C10orf90: variants seen among roughly 807,000 people sequenced by gnomAD.
The protein encoded by C10orf90 is chromosome 10 open reading frame 90, also known as (E2-independent) E3 ubiquitin-conjugating enzyme FATS.
Under a neutral mutation model 62.5 loss-of-function variants are expected in C10orf90, and 56 were observed. That is an observed-to-expected ratio of 0.90 (90% CI 0.72 to 1.12). C10orf90 has a LOEUF of 1.12. Ranked by LOEUF, C10orf90 falls within the 50% of genes most tolerant of loss-of-function variation. C10orf90 has a pLI of 0.00. For missense variants in C10orf90, 970 were observed against 880.4 expected, an observed-to-expected ratio of 1.10 and a Z score of -1.29; for synonymous variants, 386 against 340.4, an observed-to-expected ratio of 1.13 and a Z score of -1.47.
chr10:126,496,105 A>T (rs1862041487), intron 4 of C10orf90, among the ~76,000 whole-genome samples: 1 of 152,200 alleles, frequency 6.6e-6, no homozygotes, highest in African/African-American at 2.4e-5. Flanking sequence ...CTAATTTAAA[A>T]GATCAGCCCA....
At chr10:126,599,001 A>C (rs1338015272) in intron 2 of C10orf90, among the ~76,000 whole-genome samples, 1 of 152,160 alleles carries the variant, frequency 6.6e-6, no homozygotes, top group Non-Finnish European at 1.5e-5. Flanking sequence ...TCTCATTGCT[A>C]TTTTGTTGAC....
intron 2 of C10orf90, among the ~76,000 whole-genome samples, chr10:126,615,239 C>A (rs1031959864): frequency 6.6e-6 from 1 of 152,178 alleles, no homozygotes; most frequent in African/African-American, 2.4e-5. Context: ...GTCACATGAC[C>A]CAGTCCAGGG....
At chr10:126,650,856 C>A (rs926850251) in intron 1 of C10orf90, among the ~76,000 whole-genome samples, 1 of 152,142 alleles carries the variant, frequency 6.6e-6, no homozygotes. Context: ...CTACACCAGC[C>A]CTCCTGACCC....
At chr10:126,618,238 C>T (rs139327374) in intron 2 of C10orf90, among the ~76,000 whole-genome samples, 1 of 152,288 alleles carries the variant, frequency 6.6e-6, no homozygotes, top group African/African-American at 2.4e-5. Context: ...AGTGCTATGG[C>T]CCGCATGATG....
intron 1 of C10orf90, among the ~76,000 whole-genome samples, chr10:126,650,281 G>C (rs552887794): frequency 1.3e-5 from 2 of 152,098 alleles, no homozygotes; most frequent in African/African-American, 4.8e-5. Context: ...AAGACATTAC[G>C]GTGTTATTTA....
chr10:126,544,231 G>A (rs1864438894), intron 2 of C10orf90, among the ~76,000 whole-genome samples: 1 of 152,204 alleles, frequency 6.6e-6, no homozygotes, highest in Non-Finnish European at 1.5e-5. Context: ...ACATACATTT[G>A]TCCTTACAGA....
At chr10:126,583,895 T>C (rs1844803950) in intron 2 of C10orf90, among the ~76,000 whole-genome samples, 1 of 152,118 alleles carries the variant, frequency 6.6e-6, no homozygotes, top group Non-Finnish European at 1.5e-5. Context: ...GTGGGAGGGT[T>C]GCTTGAGCCC....
intron 2 of C10orf90, among the ~76,000 whole-genome samples, chr10:126,575,728 C>T (rs1844597463): frequency 6.6e-6 from 1 of 152,024 alleles, no homozygotes; most frequent in African/African-American, 2.4e-5. Flanking sequence ...GGCATAAAAA[C>T]AGATACATAG....
intron 7 of C10orf90, among the ~76,000 whole-genome samples, chr10:126,444,526 A>G (rs555310265): frequency 6.6e-6 from 1 of 152,322 alleles, no homozygotes; most frequent in South Asian, 2.1e-4. Context: ...CATAGATGAC[A>G]CAAACAAATG....
At chr10:126,623,857 AAG>A (rs1845693435) in intron 2 of C10orf90, among the ~76,000 whole-genome samples, 1 of 149,732 alleles carries the variant, frequency 6.7e-6, no homozygotes, top group South Asian at 2.1e-4. Flanking sequence ...AAAAAAAAAA[AAG>A]AATGAGAGCT....
At chr10:126,576,254 G>A (rs1380705615) in intron 2 of C10orf90, among the ~76,000 whole-genome samples, 1 of 151,844 alleles carries the variant, frequency 6.6e-6, no homozygotes, top group African/African-American at 2.4e-5. Flanking sequence ...TTTAAAAATG[G>A]GCAAATGATC....
intron 2 of C10orf90, among the ~76,000 whole-genome samples, chr10:126,554,367 T>C (rs1333425252): frequency 6.6e-6 from 1 of 152,134 alleles, no homozygotes; most frequent in East Asian, 1.9e-4. Flanking sequence ...GTGAGGCAGC[T>C]GGAGATAGTA....
At chr10:126,560,592 C>A (rs560486879) in intron 2 of C10orf90, among the ~76,000 whole-genome samples, 2 of 152,270 alleles carry the variant, frequency 1.3e-5, no homozygotes, top group East Asian at 1.9e-4. Flanking sequence ...ACTAAGAGAG[C>A]CCCAGCACGG....
intron 4 of C10orf90, among the ~76,000 whole-genome samples, chr10:126,489,683 A>C (rs1299177782): frequency 6.6e-6 from 1 of 151,992 alleles, no homozygotes; most frequent in African/African-American, 2.4e-5. Context: ...CAAAATATCA[A>C]AAATAGAATT....
chr10:126,638,674 C>A (rs921715433), intron 2 of C10orf90, among the ~76,000 whole-genome samples: 1 of 152,184 alleles, frequency 6.6e-6, no homozygotes, highest in African/African-American at 2.4e-5. Flanking sequence ...TTTCCTCTCC[C>A]ATGCTGCTCC....
At chr10:126,550,970 C>G (rs537077600) in intron 2 of C10orf90, among the ~76,000 whole-genome samples, 1 of 152,144 alleles carries the variant, frequency 6.6e-6, no homozygotes, top group Non-Finnish European at 1.5e-5. Context: ...AGGGTGAGGA[C>G]AGAAGGGAGA....
intron 4 of C10orf90, among the ~76,000 whole-genome samples, chr10:126,492,369 C>T (rs1861812339): frequency 6.6e-6 from 1 of 152,130 alleles, no homozygotes; most frequent in African/African-American, 2.4e-5. Flanking sequence ...GTGAATAGCA[C>T]CCAGGTCAAG....
At chr10:126,570,207 G>A (rs1256447954) in intron 2 of C10orf90, among the ~76,000 whole-genome samples, 1 of 152,202 alleles carries the variant, frequency 6.6e-6, no homozygotes, top group Non-Finnish European at 1.5e-5. Flanking sequence ...TATGCTTTAT[G>A]CCTGCGACTC....
rs1845863324 is a variant in C10orf90, at chr10:126,632,178, A to AC, written c.313+14386dup. Among the ~76,000 whole-genome samples, 4 of 151,934 alleles carry AC rather than the reference A, an allele frequency of 2.6e-5. No individual in the cohort carries two copies. The South Asian group carries it at 6.3e-4, about 24-fold the overall frequency. On this transcript the variant is annotated intron_variant, in intron 2 of 9. Coordinates refer to ENST00000488181, the MANE Select transcript of C10orf90 (RefSeq NM_001350921.2). Reference sequence around the variant, plus strand: ...GTCTGCCTGACCTTGAGGCCTTTCCACCCCACCCTCTAATGTTGCCACACA... The same window carrying AC: ...GTCTGCCTGACCTTGAGGCCTTTCCACCCCCACCCTCTAATGTTGCCACACA...
Sources: allele counts gnomAD v4.1 joint callset (sites outside exome capture counted in the v4.1 genomes callset), GRCh38; gene constraint gnomAD v4.1.1; transcripts MANE v1.5; gene names NCBI Gene and HGNC (gene_info 2026-07-23, HGNC 2026-07-21).